The following TANC2 variants were observed in gnomAD, a reference collection of about 807,000 sequenced individuals.
TANC2 encodes protein TANC2.
Under a neutral mutation model 210.5 loss-of-function variants are expected in TANC2, and 26 were observed. The ratio of observed to expected loss-of-function variants is 0.12; its 90% confidence interval spans 0.09 to 0.17. The LOEUF is 0.17. Among genes scored for constraint, TANC2 ranks in the 10% least tolerant of loss-of-function variants. TANC2 has a pLI of 1.00. For missense variants in TANC2, 2,129 were observed against 2,608.9 expected, an observed-to-expected ratio of 0.82 and a Z score of 4.01; for synonymous variants, 931 against 967.1, an observed-to-expected ratio of 0.96 and a Z score of 0.69.
At position 63,412,420 on chromosome 17, in the gene TANC2, C is replaced by T. The variant is rs1038602130; in HGVS notation, c.3899-260C>T. Among the ~76,000 whole-genome samples, 1 of 152,162 alleles carries T rather than the reference C, an allele frequency of 6.6e-6. No homozygotes were observed. Among genetic ancestry groups the T allele is most frequent in the African/African-American group, 2.4e-5 (1 of 41,446 alleles). On this transcript the variant is annotated intron_variant, in intron 23 of 27. Coordinates refer to ENST00000689528, the Ensembl canonical transcript of TANC2. This position sits in a 1 kb window ranked among gnomAD's most constrained non-coding sequence, Gnocchi z 4.2. ...TCTCAGCACTGCCTCTGTTCCAGCC[C>T]CACTCTATCAGCATCCTGGATCTCT...
intron 2 of TANC2, among the ~76,000 whole-genome samples, chr17:63,064,258 C>A (rs1484288977): frequency 6.6e-6 from 1 of 152,038 alleles, no homozygotes. Context: ...AATTTTGAGA[C>A]CAGCCTGAGC....
intron 11 of TANC2, among the ~76,000 whole-genome samples, chr17:63,339,894 A>G (rs1465701097): frequency 6.6e-6 from 1 of 152,194 alleles, no homozygotes; most frequent in Non-Finnish European, 1.5e-5. Flanking sequence ...TAGAAGTATC[A>G]AATTTCTGAT....
At chr17:63,327,526 A>G (rs190755304) in intron 11 of TANC2, among the ~76,000 whole-genome samples, 2 of 152,320 alleles carry the variant, frequency 1.3e-5, no homozygotes, top group East Asian at 3.9e-4. Flanking sequence ...AAATTTCTCA[A>G]AGAACTTAAA....
chr17:63,332,633 G>A (rs1225071369), intron 11 of TANC2: 1 of 198,252 alleles, frequency 5.0e-6, no homozygotes, highest in Non-Finnish European at 1.0e-5. Context: ...CCCTGGCCAG[G>A]GCCACCCGAG....
Position 63,141,379 on chromosome 17 carries a change from TAAAAAAAAAAAA to T in TANC2, c.323-9864_323-9853del, listed in dbSNP as rs71155970. ...CAACATGCTAAAACCCCGTTTCTAC[TAAAAAAAAAAAA>T]AAAAAAAAAAAAAAAAAAAAAAAAA... On this transcript the variant is annotated intron_variant, in intron 4 of 27. Coordinates refer to ENST00000689528, the Ensembl canonical transcript of TANC2. Among the ~76,000 whole-genome samples the T allele has an allele frequency of 1.3e-3, 28 of 21,872 alleles. 1 individual carries two copies. Among genetic ancestry groups the T allele is most frequent in the South Asian group, 9.2e-3 (3 of 326 alleles). The allele number at this position is 21,872 out of a possible 152,430, so 14.3% of individuals were successfully genotyped here.
intron 8 of TANC2, among the ~76,000 whole-genome samples, chr17:63,240,849 T>C (rs191728158): frequency 6.6e-6 from 1 of 152,188 alleles, no homozygotes; most frequent in Non-Finnish European, 1.5e-5. Flanking sequence ...AGTAATTGCT[T>C]CTTCTTCTAG....
chr17:63,413,193 T>G (rs2048757581), intron 24 of TANC2: 1 of 226,178 alleles, frequency 4.4e-6, no homozygotes, highest in Non-Finnish European at 8.5e-6. Context: ...TTTTGGACTT[T>G]TCAAATCCTG....
chr17:63,360,899 GT>G (rs2046938559), intron 14 of TANC2, among the ~76,000 whole-genome samples: 1 of 152,140 alleles, frequency 6.6e-6, no homozygotes, highest in Admixed American at 6.5e-5. Context: ...CGCAATGTCT[GT>G]CTTTCAGTGC....
intron 1 of TANC2, among the ~76,000 whole-genome samples, chr17:62,993,318 G>A (rs191205006): frequency 7.9e-5 from 12 of 152,216 alleles, no homozygotes; most frequent in Admixed American, 3.3e-4. Context: ...GTCCCTTGCC[G>A]TTTCCACATT....
chr17:63,267,835 A>G lies in TANC2; in HGVS notation c.1121A>G (p.Gln374Arg), dbSNP rs2043576787. 2.5e-6 allele frequency: 4 copies of G among 1,612,948 alleles called. No individual in the cohort carries two copies. In the South Asian group the frequency reaches 3.3e-5, roughly 13 times the overall value. ...AGAACTTCTCTACGAATGCCAAGACAGAGCATGGGTGGTGCTCGCACACAG... is the reference window on the plus strand; with the variant it reads ...AGAACTTCTCTACGAATGCCAAGACGGAGCATGGGTGGTGCTCGCACACAG... The change falls in exon 9 of 28, where the codon CAG becomes CGG. Residue 374 changes from glutamine (Q) to arginine (R), a missense_variant. This residue lies in a region of TANC2 where 739 missense variants were observed against 848.0 expected (regional missense o/e 0.87). Transcript: ENST00000689528.
At chr17:63,283,077 A>G (rs1208907640) in intron 9 of TANC2, among the ~76,000 whole-genome samples, 1 of 151,986 alleles carries the variant, frequency 6.6e-6, no homozygotes, top group Non-Finnish European at 1.5e-5. Context: ...TTGTAGTTTT[A>G]TGTTTTACAT....
intron 7 of TANC2, 29 bp from the exon 8 acceptor site, chr17:63,237,785 T>C (rs1401279517): frequency 6.6e-7 from 1 of 1,520,092 alleles, no homozygotes. Context: ...TGTGGCTTTA[T>C]TAAATTCATT....
At chr17:63,135,459 C>T (rs1210738212) in intron 4 of TANC2, among the ~76,000 whole-genome samples, 2 of 151,994 alleles carry the variant, frequency 1.3e-5, no homozygotes, top group Non-Finnish European at 2.9e-5. Context: ...TTTCCTTCCA[C>T]TTTTAGGTTC....
chr17:63,281,294 G>A (rs1386153078), intron 9 of TANC2, among the ~76,000 whole-genome samples: 1 of 152,104 alleles, frequency 6.6e-6, no homozygotes, highest in East Asian at 1.9e-4. Context: ...AAGTATCAAA[G>A]GACAGAATCC....
chr17:63,009,302 A>ACTTT, intron 1 of TANC2, among the ~76,000 whole-genome samples: 1 of 151,992 alleles, frequency 6.6e-6, no homozygotes, highest in Admixed American at 6.5e-5. Flanking sequence ...GGTACATAGT[A>ACTTT]GGTGTATATA....
intron 5 of TANC2, among the ~76,000 whole-genome samples, chr17:63,177,552 A>G (rs1340892236): frequency 6.6e-6 from 1 of 152,182 alleles, no homozygotes; most frequent in African/African-American, 2.4e-5. Context: ...TAAAAATTAA[A>G]TGCCTACAAT....
chr17:63,024,574 A>G (rs904173681), intron 2 of TANC2, among the ~76,000 whole-genome samples: 1 of 152,044 alleles, frequency 6.6e-6, no homozygotes, highest in Admixed American at 6.5e-5. Flanking sequence ...AGAATGCCCT[A>G]ACTTACTGGG....
chr17:63,368,388 C>G, intron 14 of TANC2, among the ~76,000 whole-genome samples: 1 of 152,098 alleles, frequency 6.6e-6, no homozygotes. Flanking sequence ...AGAGAGAATG[C>G]TCAAGGCATG....
chr17:63,091,566 C>G (rs920869088), intron 3 of TANC2, among the ~76,000 whole-genome samples: 1 of 152,106 alleles, frequency 6.6e-6, no homozygotes, highest in South Asian at 2.1e-4. Context: ...TTCCATTGGT[C>G]GATACCTCTG....
Sources: allele counts gnomAD v4.1 joint callset (sites outside exome capture counted in the v4.1 genomes callset), GRCh38; gene constraint gnomAD v4.1.1; regional missense constraint gnomAD v4.1.1; non-coding constraint Gnocchi (gnomAD v3.1); transcripts MANE v1.5; gene names NCBI Gene and HGNC (gene_info 2026-07-23, HGNC 2026-07-21).